Variants in LPP observed in about 807,000 individuals in gnomAD.
The protein encoded by LPP is lipoma-preferred partner.
Under a neutral mutation model 60.4 loss-of-function variants are expected in LPP, and 38 were observed. That is an observed-to-expected ratio of 0.63 (90% CI 0.49 to 0.83). The LOEUF is 0.83. Ranked by LOEUF, LPP falls within the 40% of genes least tolerant of loss-of-function variation. The probability of loss-of-function intolerance (pLI) is 0.00; values close to 1 mark genes in which losing one functional copy is unlikely to be tolerated. For synonymous variants in LPP, 328 were observed against 290.8 expected, an observed-to-expected ratio of 1.13 and a Z score of -1.30; for missense variants, 902 against 783.6, an observed-to-expected ratio of 1.15 and a Z score of -1.80.
In LPP at chr3:188,889,168, T is replaced by C. The variant is rs2152107630; in HGVS notation, c.*14689T>C. The C allele has an allele frequency of 4.4e-6, 1 of 228,356 alleles. No individual in the cohort carries two copies. Among genetic ancestry groups the C allele is most frequent in the East Asian group, 6.3e-5 (1 of 15,998 alleles). 14.1% of individuals were successfully genotyped at this position (228,356 alleles called of 1,614,324 possible). On this transcript the variant is annotated 3_prime_UTR_variant, in exon 12 of 12. Transcript: ENST00000617246. The stretch of plus-strand genomic sequence containing the variant: ...GGGCCAAATGTCCTTGCCAGATCCT[T>C]AGAGCATTACTTTGACTCCTAAAAA...
chr3:188,568,926 G>A (rs1000124954), intron 6 of LPP: 7 of 151,898 alleles, frequency 4.6e-5, no homozygotes, highest in Admixed American at 3.9e-4. Flanking sequence ...CAGTAGGGGT[G>A]TATATGTCTT....
intron 6 of LPP, among the ~76,000 whole-genome samples, chr3:188,576,727 G>T (rs1458970461): frequency 6.6e-6 from 1 of 152,192 alleles, no homozygotes; most frequent in Non-Finnish European, 1.5e-5. Flanking sequence ...TGTCCAAAAT[G>T]AGAGTAATCA....
chr3:188,830,611 CA>C (rs369234880), intron 9 of LPP, among the ~76,000 whole-genome samples: 434 of 142,486 alleles, frequency 3.0e-3, no homozygotes, highest in Admixed American at 4.8e-3. Flanking sequence ...TCTCAAAAAA[CA>C]AAAAAAAAAA....
intron 7 of LPP, among the ~76,000 whole-genome samples, chr3:188,704,757 TTTGTTGTTGTTG>T (rs35521611): frequency 1.3e-5 from 2 of 150,822 alleles, no homozygotes; most frequent in South Asian, 2.1e-4. Flanking sequence ...AGATACCTGT[TTTGTTGTTGTTG>T]TTGTTGTTGT....
chr3:188,410,347 G>A (rs563844229), intron 4 of LPP, among the ~76,000 whole-genome samples: 1 of 152,200 alleles, frequency 6.6e-6, no homozygotes, highest in East Asian at 1.9e-4. Flanking sequence ...TTCTCACCTT[G>A]GTGTTACGTC....
intron 1 of LPP, among the ~76,000 whole-genome samples, chr3:188,194,046 T>G (rs1728878588): frequency 6.6e-6 from 1 of 152,256 alleles, no homozygotes; most frequent in Non-Finnish European, 1.5e-5. Context: ...TGTACTCTTC[T>G]GGTTCTCATT....
intron 8 of LPP, among the ~76,000 whole-genome samples, chr3:188,756,841 C>T (rs1012554701): frequency 3.9e-5 from 6 of 152,144 alleles, no homozygotes; most frequent in African/African-American, 1.4e-4. Context: ...ATTAGGCTGA[C>T]CCACTCTAGA....
At chr3:188,746,895 T>C (rs1448899524) in intron 8 of LPP, among the ~76,000 whole-genome samples, 1 of 152,210 alleles carries the variant, frequency 6.6e-6, no homozygotes, top group Non-Finnish European at 1.5e-5. Flanking sequence ...GTCAATAAGT[T>C]TGAAGTCTTG....
chr3:188,442,585 C>T (rs931237680), intron 4 of LPP, among the ~76,000 whole-genome samples: 7 of 152,076 alleles, frequency 4.6e-5, no homozygotes, highest in African/African-American at 1.2e-4. Context: ...ATTGGTGGCC[C>T]GGGCAGCAAC....
intron 6 of LPP, among the ~76,000 whole-genome samples, chr3:188,608,508 C>CTGT (rs59561733): frequency 6.6e-6 from 1 of 151,846 alleles, no homozygotes; most frequent in Non-Finnish European, 1.5e-5. Context: ...TTTCCGGGCT[C>CTGT]TCTGTTCTGT....
chr3:188,518,781 G>A (rs2150117554), intron 5 of LPP, among the ~76,000 whole-genome samples: 1 of 152,248 alleles, frequency 6.6e-6, no homozygotes, highest in African/African-American at 2.4e-5. Context: ...AACATCCAAG[G>A]GTGGAGACTG....
Position 188,249,357 on chromosome 3 carries a change from A to G in LPP, c.-67+23830A>G, listed in dbSNP as rs901015035. Among the ~76,000 whole-genome samples the G allele has an allele frequency of 6.6e-5, 10 of 151,880 alleles. 1 individual carries two copies. The South Asian group carries it at 1.9e-3, about 28-fold the overall frequency. The stretch of plus-strand genomic sequence containing the variant: ...GGCTGCCGTGAGCTGAGATTCTGCC[A>G]CTGGGTGACTGGGCCTGGGACGTCA... On this transcript the variant is annotated intron_variant, in intron 2 of 11. Coordinates refer to ENST00000617246, the MANE Select transcript of LPP (RefSeq NM_001375462.1).
At chr3:188,469,226 G>T (rs935753559) in intron 4 of LPP, among the ~76,000 whole-genome samples, 1 of 152,042 alleles carries the variant, frequency 6.6e-6, no homozygotes, top group Non-Finnish European at 1.5e-5. Flanking sequence ...ATTGATCTGG[G>T]ACTTAACCTT....
chr3:188,509,871 T>TGG (rs369528323), intron 5 of LPP, among the ~76,000 whole-genome samples: 1 of 75,364 alleles, frequency 1.3e-5, no homozygotes, highest in Non-Finnish European at 2.8e-5. Flanking sequence ...TTTTTTTTTG[T>TGG]TGTTTTTTTT....
intron 3 of LPP, among the ~76,000 whole-genome samples, chr3:188,356,104 C>G (rs78384361): frequency 0.037 from 5,634 of 152,180 alleles, 150 homozygotes; most frequent in Non-Finnish European, 0.06. Flanking sequence ...TTTTTTGTTT[C>G]TCCAAAGTTT....
chr3:188,253,320 G>A (rs1216790808), intron 2 of LPP, among the ~76,000 whole-genome samples: 1 of 152,030 alleles, frequency 6.6e-6, no homozygotes, highest in Non-Finnish European at 1.5e-5. Context: ...TAGTTAGAGA[G>A]CATTTCTTAA....
intron 3 of LPP, among the ~76,000 whole-genome samples, chr3:188,344,135 C>T (rs771932907): frequency 3.3e-5 from 5 of 152,190 alleles, no homozygotes; most frequent in Non-Finnish European, 7.3e-5. Context: ...CTTCTGGCCT[C>T]TTGTAGACGG....
At chr3:188,667,605 G>A (rs879844944) in intron 7 of LPP, among the ~76,000 whole-genome samples, 1 of 150,886 alleles carries the variant, frequency 6.6e-6, no homozygotes, top group African/African-American at 2.4e-5. Flanking sequence ...GCTTAGAAAT[G>A]CTATGAAGCC....
chr3:188,411,484 C>A (rs1037274217), intron 4 of LPP, among the ~76,000 whole-genome samples: 1 of 152,080 alleles, frequency 6.6e-6, no homozygotes, highest in African/African-American at 2.4e-5. Context: ...CAGCACAATT[C>A]TTAAAGATTT....
Sources: gnomAD v4.1 joint callset for allele counts (sites outside exome capture counted in the v4.1 genomes callset) on GRCh38, gnomAD v4.1.1 for gene constraint, MANE v1.5 for transcripts, NCBI Gene and HGNC (gene_info 2026-07-23, HGNC 2026-07-21) for gene names.